Variants in ACTR3C observed in about 807,000 individuals in gnomAD.
The protein encoded by ACTR3C is actin related protein 3C.
A neutral mutation model predicts 26.3 loss-of-function variants in ACTR3C; 18 were observed. The observed-to-expected ratio is 0.68, with a 90% CI of 0.47 to 1.01. The LOEUF is 1.01. ACTR3C is among the 50% of genes least tolerant of loss of function. The pLI is 0.00. For synonymous variants in ACTR3C, 55 were observed against 94.5 expected (o/e 0.58, Z 2.42); for missense variants, 184 against 250.7 (o/e 0.73, Z 1.80).
chr7:150,055,699 G>T, the ACTR3C span, among the ~76,000 whole-genome samples: 8 of 152,068 alleles, frequency 5.3e-5, no homozygotes, highest in Non-Finnish European at 1.2e-4. Context: ...AACTGTTGTG[G>T]CTTATCTGAG....
At chr7:150,247,910 C>T (rs1343084142) in intron 7 of ACTR3C, 15 of 152,274 alleles carry the variant, frequency 9.9e-5, no homozygotes, top group Non-Finnish European at 1.9e-4. Context: ...TCAAAGCTCC[C>T]TGAGCCCTCC....
the ACTR3C span, among the ~76,000 whole-genome samples, chr7:150,200,305 A>G: frequency 6.2e-4 from 95 of 152,220 alleles, no homozygotes; most frequent in Non-Finnish European, 9.6e-4. Context: ...AATTGTCTTT[A>G]TTAAAATTAA....
At chr7:149,963,674 G>A in the ACTR3C span, among the ~76,000 whole-genome samples, 1 of 152,302 alleles carries the variant, frequency 6.6e-6, no homozygotes, top group African/African-American at 2.4e-5. Flanking sequence ...GGTAACAGTG[G>A]AGAAGTAACA....
the ACTR3C span, among the ~76,000 whole-genome samples, chr7:149,928,929 G>T: frequency 1.8e-4 from 28 of 152,248 alleles, no homozygotes; most frequent in African/African-American, 5.8e-4. Context: ...TTAAGCAATA[G>T]ATAATAACCC....
the ACTR3C span, among the ~76,000 whole-genome samples, chr7:150,083,423 T>A: frequency 6.6e-6 from 1 of 151,826 alleles, no homozygotes; most frequent in African/African-American, 2.4e-5. Context: ...AAAAATTAGC[T>A]GGGCTTTGTG....
At chr7:150,042,546 A>G in the ACTR3C span, among the ~76,000 whole-genome samples, 6 of 148,010 alleles carry the variant, frequency 4.1e-5, no homozygotes, top group South Asian at 4.3e-4. Flanking sequence ...CCAGGGGGGG[A>G]AGAGGGGTTG....
chr7:149,976,198 A>G, the ACTR3C span, among the ~76,000 whole-genome samples: 1 of 152,178 alleles, frequency 6.6e-6, no homozygotes, highest in African/African-American at 2.4e-5. Context: ...TGAAACTTGT[A>G]TAGATGACCA....
chr7:149,912,332 T>C, the ACTR3C span, among the ~76,000 whole-genome samples: 671 of 150,892 alleles, frequency 4.4e-3, 5 homozygotes, highest in African/African-American at 0.013. Flanking sequence ...ACTGATGATA[T>C]GACTCAGCGA....
At chr7:150,256,189 T>C (rs1833210604) in intron 6 of ACTR3C, among the ~76,000 whole-genome samples, 1 of 152,246 alleles carries the variant, frequency 6.6e-6, no homozygotes, top group African/African-American at 2.4e-5. Flanking sequence ...GACATCTAGG[T>C]TGAGTCCATG....
At chr7:149,975,774 C>T in the ACTR3C span, among the ~76,000 whole-genome samples, 6 of 152,124 alleles carry the variant, frequency 3.9e-5, no homozygotes, top group East Asian at 9.6e-4. Flanking sequence ...GAATGAGAGT[C>T]GAGCAAAGGG....
At chr7:150,062,309 A>T in the ACTR3C span, 267 of 67,868 alleles carry the variant, frequency 3.9e-3, 1 homozygote, top group African/African-American at 0.016. Flanking sequence ...ATTTTTTTTT[A>T]AAATTGAAAA....
the ACTR3C span, among the ~76,000 whole-genome samples, chr7:149,903,320 A>G: frequency 6.6e-6 from 1 of 151,982 alleles, no homozygotes; most frequent in African/African-American, 2.4e-5. Flanking sequence ...AAGGCAATAC[A>G]ATAGTCTGCA....
At chr7:150,138,822 G>A in the ACTR3C span, among the ~76,000 whole-genome samples, 4 of 152,304 alleles carry the variant, frequency 2.6e-5, no homozygotes, top group Admixed American at 2.6e-4. Flanking sequence ...TACTGCCTGA[G>A]CTCTGCCTCC....
At chr7:150,242,802 T>C (rs1413217442), downstream of ACTR3C, among the ~76,000 whole-genome samples, 2 of 152,150 alleles carry the variant, frequency 1.3e-5, no homozygotes, top group African/African-American at 4.8e-5. Context: ...GGGAGGGGAT[T>C]TGGAATTTGA....
the ACTR3C span, among the ~76,000 whole-genome samples, chr7:150,168,912 T>C: frequency 6.6e-6 from 1 of 150,812 alleles, no homozygotes; most frequent in Non-Finnish European, 1.5e-5. Flanking sequence ...ACATCTCTTC[T>C]TTGTCTAGCT....
chr7:150,214,479 C>G, the ACTR3C span, among the ~76,000 whole-genome samples: 2 of 151,814 alleles, frequency 1.3e-5, no homozygotes, highest in African/African-American at 2.4e-5. Context: ...AGGAGAGACT[C>G]ATTAAATGTG....
chr7:150,268,089 G>A (rs1584879257), intron 6 of ACTR3C, among the ~76,000 whole-genome samples: 1 of 152,006 alleles, frequency 6.6e-6, no homozygotes, highest in South Asian at 2.1e-4. Context: ...AGGTGGCATC[G>A]GGGACTTAAA....
intron 6 of ACTR3C, among the ~76,000 whole-genome samples, chr7:150,263,190 C>T (rs1833777349): frequency 6.6e-6 from 1 of 151,464 alleles, no homozygotes; most frequent in African/African-American, 2.4e-5. Flanking sequence ...ACATATGTCC[C>T]CCATATATTC....
At chr7:150,017,099 C>T in the ACTR3C span, among the ~76,000 whole-genome samples, 4 of 152,080 alleles carry the variant, frequency 2.6e-5, no homozygotes, top group South Asian at 6.2e-4. Flanking sequence ...TTCACTTAGG[C>T]CAAGGGATGC....
Sources: allele counts gnomAD v4.1 joint callset (sites outside exome capture counted in the v4.1 genomes callset), GRCh38; gene constraint gnomAD v4.1.1; transcripts MANE v1.5; gene names NCBI Gene and HGNC (gene_info 2026-07-23, HGNC 2026-07-21).